The following GOLM1 variants were observed in gnomAD, a reference collection of about 807,000 sequenced individuals.
The protein encoded by GOLM1 is golgi membrane protein 1, also known as epididymis luminal protein 46.
In GOLM1, 31 loss-of-function variants were observed where a neutral mutation model predicts 50.5. That is an observed-to-expected ratio of 0.61 (90% CI 0.46 to 0.83). The LOEUF is 0.83. Ranked by LOEUF, GOLM1 falls within the 40% of genes least tolerant of loss-of-function variation. GOLM1 has a pLI of 0.00. For synonymous variants in GOLM1, 178 were observed against 192.8 expected, an observed-to-expected ratio of 0.92 and a Z score of 0.64; for missense variants, 491 against 501.3, an observed-to-expected ratio of 0.98 and a Z score of 0.20.
At chr9:86,087,344 G>A (rs1403693757) in intron 1 of GOLM1, among the ~76,000 whole-genome samples, 1 of 152,190 alleles carries the variant, frequency 6.6e-6, no homozygotes, top group East Asian at 1.9e-4. Flanking sequence ...GGAGATTTTA[G>A]GCTGAGACGA....
chr9:86,076,421 CAAAAAAAAAAAA>C (rs58193076), intron 3 of GOLM1, among the ~76,000 whole-genome samples: 428 of 23,280 alleles, frequency 0.018, 2 homozygotes, highest in African/African-American at 0.042. Context: ...AACCCCATCT[CAAAAAAAAAAAA>C]AAAAAAAAAA....
At chr9:86,085,544 T>C (rs1362971144) in intron 1 of GOLM1, among the ~76,000 whole-genome samples, 1 of 149,884 alleles carries the variant, frequency 6.7e-6, no homozygotes, top group Non-Finnish European at 1.5e-5. Context: ...GTTTGTTACA[T>C]AGGTATACCT....
intron 3 of GOLM1, among the ~76,000 whole-genome samples, chr9:86,057,026 T>C (rs1834013884): frequency 6.6e-6 from 1 of 152,202 alleles, no homozygotes. Context: ...GCCAGGTTGT[T>C]TTTCACATTT....
At chr9:86,055,980 CAA>C (rs1347677148) in intron 3 of GOLM1, among the ~76,000 whole-genome samples, 2 of 83,422 alleles carry the variant, frequency 2.4e-5, no homozygotes, top group Admixed American at 9.7e-5. Context: ...GTAAAAAAAA[CAA>C]AAACAAACCA....
In GOLM1 at chr9:86,090,786, C is replaced by CAAAAAA. The variant is rs776381865; in HGVS notation, c.-22+8619_-22+8624dup. The stretch of plus-strand genomic sequence containing the variant: ...GGCGTTCCAAGTGCCACTGGGGTAC[C>CAAAAAA]AAAAAAAAAAAAAAAAAAAAAAAAA... On this transcript the variant is annotated intron_variant, in intron 1 of 9. Coordinates refer to ENST00000388712, the MANE Select transcript of GOLM1 (RefSeq NM_016548.4). 5.1e-4 allele frequency among the ~76,000 whole-genome samples: 21 copies of CAAAAAA among 41,298 alleles called. 1 individual carries two copies. In the East Asian group the frequency reaches 8.7e-3, roughly 17 times the overall value. 27.1% of individuals were successfully genotyped at this position (41,298 alleles called of 152,430 possible).
chr9:86,046,843 G>A (rs1190840225), intron 4 of GOLM1, among the ~76,000 whole-genome samples: 7 of 152,164 alleles, frequency 4.6e-5, no homozygotes, highest in South Asian at 2.1e-4. Context: ...CTTTTTGGCC[G>A]CTAGCCTTTA....
chr9:86,052,521 A>C lies in GOLM1; in HGVS notation c.364+16T>G. On this transcript the variant is annotated intron_variant, in intron 4 of 9. Transcript: ENST00000388712. The stretch of plus-strand genomic sequence containing the variant: ...CAAAGGCCAGTGCCTGGTGTGGAGG[A>C]GCGAGCGGAACTTACCTTGCAGCAC... The C allele has an allele frequency of 6.2e-7, 1 of 1,612,146 alleles. No homozygotes were observed. Among genetic ancestry groups the C allele is most frequent in the Non-Finnish European group, 8.5e-7 (1 of 1,178,232 alleles).
chr9:86,029,361 A>G (rs1832898701), intron 9 of GOLM1, among the ~76,000 whole-genome samples: 1 of 152,162 alleles, frequency 6.6e-6, no homozygotes, highest in Non-Finnish European at 1.5e-5. Flanking sequence ...TTGCTACTGC[A>G]CTTCTAATGG....
chr9:86,045,818 A>C (rs563102881), intron 5 of GOLM1, among the ~76,000 whole-genome samples: 107 of 152,306 alleles, frequency 7.0e-4, no homozygotes, highest in African/African-American at 2.5e-3. Context: ...AGGTAAGTCA[A>C]AGGGAAAAGG....
intron 3 of GOLM1, among the ~76,000 whole-genome samples, chr9:86,071,803 A>T (rs7872904): frequency 1.3e-5 from 2 of 152,094 alleles, no homozygotes; most frequent in Admixed American, 6.5e-5. Context: ...GCTCACTAAA[A>T]GGTCCCAAAC....
chr9:86,075,447 C>T (rs1287903379), intron 3 of GOLM1, among the ~76,000 whole-genome samples: 2 of 152,194 alleles, frequency 1.3e-5, no homozygotes, highest in African/African-American at 4.8e-5. Flanking sequence ...CTGGGTTAAA[C>T]GCTTTATAAA....
intron 8 of GOLM1, among the ~76,000 whole-genome samples, chr9:86,034,090 G>A (rs1459341291): frequency 2.0e-5 from 3 of 151,468 alleles, no homozygotes; most frequent in South Asian, 2.1e-4. Flanking sequence ...TCAGCCTCCC[G>A]AGTGGCTGGG....
chr9:86,084,035 T>C (rs2118871701), intron 1 of GOLM1, among the ~76,000 whole-genome samples: 1 of 152,314 alleles, frequency 6.6e-6, no homozygotes, highest in East Asian at 1.9e-4. Flanking sequence ...ATGCCCAATG[T>C]TATCTGAATT....
chr9:86,072,264 T>C (rs1041493715), intron 3 of GOLM1, among the ~76,000 whole-genome samples: 1 of 152,218 alleles, frequency 6.6e-6, no homozygotes, highest in African/African-American at 2.4e-5. Flanking sequence ...ATGATGTTTT[T>C]TGCTTTAAAT....
At chr9:86,063,279 G>A (rs1372843736) in intron 3 of GOLM1, among the ~76,000 whole-genome samples, 4 of 152,232 alleles carry the variant, frequency 2.6e-5, no homozygotes, top group Non-Finnish European at 5.9e-5. Context: ...GCAAGGGCTG[G>A]AGGCCTGGGG....
At chr9:86,047,713 A>G (rs1175499539) in intron 4 of GOLM1, among the ~76,000 whole-genome samples, 1 of 152,196 alleles carries the variant, frequency 6.6e-6, no homozygotes, top group Non-Finnish European at 1.5e-5. Flanking sequence ...ACACCCCACA[A>G]TCCAACTAGG....
intron 4 of GOLM1, among the ~76,000 whole-genome samples, chr9:86,049,057 T>C (rs1833650666): frequency 6.6e-6 from 1 of 152,182 alleles, no homozygotes; most frequent in South Asian, 2.1e-4. Context: ...TTGTATAAGG[T>C]GTAAGGAAGG....
rs1352651455 is a variant in GOLM1 at position 86,035,883 on chromosome 9, C to CA, written c.758-259dup. Among the ~76,000 whole-genome samples the CA allele has an allele frequency of 2.3e-3, 231 of 99,394 alleles. 5 individuals carry two copies. Among genetic ancestry groups the CA allele is most frequent in the Middle Eastern group, 0.014 (3 of 214 alleles). The allele number at this position is 99,394 out of a possible 152,430, so 65.2% of individuals were successfully genotyped here. ...TAGCTTACCAAAAAAAAAAACAAAA[C>CA]AAAAAAAAAAAAACACCTGGACTAA... On this transcript the variant is annotated intron_variant, in intron 7 of 9. Coordinates refer to ENST00000388712, the MANE Select transcript of GOLM1 (RefSeq NM_016548.4).
At chr9:86,045,857 T>C (rs1251797271) in intron 5 of GOLM1, among the ~76,000 whole-genome samples, 3 of 152,028 alleles carry the variant, frequency 2.0e-5, no homozygotes, top group Non-Finnish European at 2.9e-5. Flanking sequence ...CCATGGGTGG[T>C]TGGTTCTCTC....
Sources: allele counts gnomAD v4.1 joint callset (sites outside exome capture counted in the v4.1 genomes callset), GRCh38; gene constraint gnomAD v4.1.1; transcripts MANE v1.5; gene names NCBI Gene and HGNC (gene_info 2026-07-23, HGNC 2026-07-21).